The following EPRS1 variants were observed in gnomAD, a reference collection of about 807,000 sequenced individuals.
EPRS1 encodes the protein glutamyl-prolyl-tRNA synthetase 1.
EPRS1 carries 107 observed loss-of-function variants against 188.3 expected under a neutral mutation model. The ratio of observed to expected loss-of-function variants is 0.57; its 90% CI spans 0.49 to 0.67. EPRS1 has a LOEUF of 0.67. Among genes scored for constraint, EPRS1 ranks in the 30% least tolerant of loss-of-function variants. EPRS1 has a pLI of 0.00. For missense variants in EPRS1, 1,577 were observed against 1,802.2 expected, an observed-to-expected ratio of 0.88 and a Z score of 2.26; for synonymous variants, 596 against 593.1, an observed-to-expected ratio of 1.00 and a Z score of -0.07.
At chr1:220,020,887 T>G (rs903832427) in intron 9 of EPRS1, among the ~76,000 whole-genome samples, 2 of 139,652 alleles carry the variant, frequency 1.4e-5, no homozygotes, top group African/African-American at 5.5e-5. Context: ...CATTATGCTT[T>G]CTTTCTTTTT....
In EPRS1 at chr1:220,034,899, A is replaced by G; in HGVS notation, c.231+15T>C. The G allele has an allele frequency of 7.0e-6, 10 of 1,418,958 alleles. No individual in the cohort carries two copies. Among genetic ancestry groups the G allele is most frequent in the Non-Finnish European group, 1.0e-5 (10 of 1,002,290 alleles). 87.9% of individuals were successfully genotyped at this position (1,418,958 alleles called of 1,614,324 possible). On this transcript the variant is annotated intron_variant, in intron 3 of 31. Coordinates refer to ENST00000366923, the MANE Select transcript of EPRS1 (RefSeq NM_004446.3). ...CATAAGACAAAACACACACAACAAA[A>G]TGTTCATTGCTTACCTCAGTATGTT... is the stretch of plus-strand genomic sequence containing the variant.
chr1:220,000,807 C>G (rs912615268), intron 17 of EPRS1, among the ~76,000 whole-genome samples: 1 of 152,116 alleles, frequency 6.6e-6, no homozygotes, highest in Non-Finnish European at 1.5e-5. Context: ...ATGGCAAAAG[C>G]CTGTCTCTAC....
Position 220,005,306 on chromosome 1 carries a change from T to C in EPRS1, c.2005A>G (p.Ile669Val). The C allele has an allele frequency of 6.2e-7, 1 of 1,601,198 alleles. No individual in the cohort carries two copies. The highest frequency in any genetic ancestry group is 8.5e-7 in the Non-Finnish European group (1 of 1,173,502). Reference sequence around the variant, plus strand: ...AATCCTCTTCTCTGGAGTTGTATAATATCTCCTTTTTTCAAATCCTTAAGG... The same window carrying C: ...AATCCTCTTCTCTGGAGTTGTATAACATCTCCTTTTTTCAAATCCTTAAGG... ...PCLKDLKKGD[I>V]IQLQRRGFFI... Residue 669 changes from isoleucine to valine, a missense_variant, in exon 16 of 32, where the codon ATT (isoleucine) becomes GTT (valine). Around this residue, in one of 3 missense-constraint regions of EPRS1, gnomAD observed 1,278 missense variants for 1,457.4 expected, o/e 0.88. Coordinates refer to ENST00000366923, the MANE Select transcript of EPRS1 (RefSeq NM_004446.3).
chr1:220,019,633 A>G (rs904547579), intron 10 of EPRS1, among the ~76,000 whole-genome samples: 1 of 152,158 alleles, frequency 6.6e-6, no homozygotes, highest in Admixed American at 6.5e-5. Context: ...CCTTCTTGGG[A>G]CCTAGCCAAA....
rs780770433 is a variant in EPRS1 at position 219,997,100 on chromosome 1, T to C, written c.2424A>G (p.Ile808Met). 4.3e-6 allele frequency: 7 copies of C among 1,614,132 alleles called. No individual in the cohort carries two copies. In the South Asian group the frequency reaches 5.5e-5, roughly 13 times the overall value. ...AGGAATTAGAAGAAATATTCTGTCC[T>C]ATTTCAGCAGGAGGGTTTCCAGGTT... ...EYKPGNPPAE[I>M]GQNISSNSSA... Residue 808 changes from isoleucine (I) to methionine (M), a missense_variant, in exon 18 of 32, where the codon ATA (isoleucine) becomes ATG (methionine). Around this residue, in one of 3 missense-constraint regions of EPRS1, gnomAD observed 1,278 missense variants for 1,457.4 expected, o/e 0.88. Coordinates refer to ENST00000366923, the MANE Select transcript of EPRS1 (RefSeq NM_004446.3).
chr1:219,993,312 G>A (rs1306619930), intron 18 of EPRS1, among the ~76,000 whole-genome samples: 1 of 152,090 alleles, frequency 6.6e-6, no homozygotes, highest in East Asian at 1.9e-4. Flanking sequence ...TGTATTCTCT[G>A]TTATGCACCT....
Position 220,011,008 on chromosome 1 carries a change from C to T in EPRS1, c.1543G>A (p.Val515Met), listed in dbSNP as rs1406958808. 6.2e-6 allele frequency: 10 copies of T among 1,613,694 alleles called. No individual in the cohort carries two copies. Among genetic ancestry groups the T allele is most frequent in the Non-Finnish European group, 8.5e-6 (10 of 1,179,688 alleles). The change falls in exon 13 of 32, where the codon GTG becomes ATG. Residue 515 changes from valine (V) to methionine (M), a missense_variant. By Grantham distance (21) the Val-to-Met change is conservative (BLOSUM62 1). Transcript: ENST00000366923. Reference protein sequence around the residue: ...PRYVALLKKEVIPVNVPEAQE... With the variant: ...PRYVALLKKEMIPVNVPEAQE... ...GCTTCAGGTACATTCACTGGGATCA[C>T]TTCTTTCTTCAGTAATGCAACATAT...
At chr1:220,036,343 GAGGAATATAGTTCATTCTACCATAA>G in intron 2 of EPRS1, among the ~76,000 whole-genome samples, 2 of 152,288 alleles carry the variant, frequency 1.3e-5, no homozygotes, top group African/African-American at 4.8e-5. Flanking sequence ...TATACACTCA[GAGGAATATAGTTCATTCTACCATAA>G]AGACACATGC....
In EPRS1 at chr1:220,007,317, G is replaced by T. The variant is rs761295747; in HGVS notation, c.1627C>A (p.Pro543Thr). 1.1e-5 allele frequency: 17 copies of T among 1,610,362 alleles called. No homozygotes were observed. Among genetic ancestry groups the T allele is most frequent in the South Asian group, 3.3e-5 (3 of 89,696 alleles). The change falls in exon 14 of 32, where the codon CCT becomes ACT. Residue 543 changes from proline to threonine, a missense_variant. Physicochemically the swap from Pro to Thr is conservative, Grantham distance 38 (BLOSUM62 -1). This residue lies in a region of EPRS1 where 1,278 missense variants were observed against 1,457.4 expected (regional missense o/e 0.88). Transcript: ENST00000366923. ...AAAACTTTGGGACTATACCACACAG[G>T]CTTCAAGCCAACCTCAGGATTCTGA... Reference protein sequence around the residue: ...HPKNPEVGLKPVWYSPKVFIE... With the variant: ...HPKNPEVGLKTVWYSPKVFIE...
At chr1:220,025,071 G>A in intron 7 of EPRS1, 61 bp downstream of exon 7, 1 of 1,494,642 alleles carries the variant, frequency 6.7e-7, no homozygotes, top group Non-Finnish European at 9.3e-7. Flanking sequence ...GAAGGTATTA[G>A]GTAATCCTGT....
chr1:220,001,453 C>T (rs891719254), intron 16 of EPRS1, among the ~76,000 whole-genome samples, 198 bp from the exon 17 acceptor site: 1 of 152,110 alleles, frequency 6.6e-6, no homozygotes, highest in Non-Finnish European at 1.5e-5. Flanking sequence ...GCAGCTTCCA[C>T]CTCCTGCGTT....
At chr1:220,016,429 G>C (rs1202464463) in intron 12 of EPRS1, among the ~76,000 whole-genome samples, 1 of 148,576 alleles carries the variant, frequency 6.7e-6, no homozygotes, top group Non-Finnish European at 1.5e-5. Flanking sequence ...TTTTTCTTTT[G>C]AGACAGAGTC....
intron 6 of EPRS1, among the ~76,000 whole-genome samples, chr1:220,027,714 G>C (rs191300397): frequency 1.3e-5 from 2 of 151,932 alleles, no homozygotes; most frequent in Non-Finnish European, 2.9e-5. Context: ...CGGGTGCAGT[G>C]GCTCATGCCT....
chr1:220,022,631 T>A (rs935648455), intron 8 of EPRS1, 113 bp from the exon 9 acceptor site: 6 of 868,362 alleles, frequency 6.9e-6, no homozygotes, highest in African/African-American at 5.1e-5. Context: ...CCACCCTGTG[T>A]TAGTTTAAAA....
rs372022042 is a variant in EPRS1 at position 219,988,817 on chromosome 1, T to A, written c.2548A>T (p.Ile850Leu). The A allele has an allele frequency of 1.7e-5, 27 of 1,579,502 alleles. 1 individual carries two copies. The South Asian group carries it at 3.1e-4, about 18-fold the overall frequency. ...AGTAAGCATTCTACAGCTTCATTTATTTTAGCCTAAAATAAAAGAGAGAAA... is the reference window on the plus strand; with the variant it reads ...AGTAAGCATTCTACAGCTTCATTTAATTTAGCCTAAAATAAAAGAGAGAAA... ...LKAEKSPKAK[I>L]NEAVECLLSL... Residue 850 changes from isoleucine to leucine, a missense_variant, in exon 19 of 32, where the codon ATA becomes TTA. This residue lies in a region of EPRS1 where 1,278 missense variants were observed against 1,457.4 expected (regional missense o/e 0.88). Transcript: ENST00000366923.
chr1:219,988,622 C>T lies in EPRS1; in HGVS notation c.2743G>A (p.Val915Ile). Residue 915 changes from valine (V) to isoleucine (I), a missense_variant, in exon 19 of 32, where the codon GTT (valine) becomes ATT (isoleucine). By Grantham distance (29) the Val-to-Ile change is conservative. Around this residue, in one of 3 missense-constraint regions of EPRS1, gnomAD observed 1,278 missense variants for 1,457.4 expected, o/e 0.88. Coordinates refer to ENST00000366923, the MANE Select transcript of EPRS1 (RefSeq NM_004446.3). Reference sequence around the variant, plus strand: ...GCTTTTTCAGTTTTAAGTTTCCGAACTACTTCCCCTTGAGAAGCTACTTTG... The same window carrying T: ...GCTTTTTCAGTTTTAAGTTTCCGAATTACTTCCCCTTGAGAAGCTACTTTG... Reference protein sequence around the residue: ...FDKVASQGEVVRKLKTEKAPK... With the variant: ...FDKVASQGEVIRKLKTEKAPK... 1 of 1,613,562 alleles carries T rather than the reference C, an allele frequency of 6.2e-7. No individual in the cohort carries two copies. The highest frequency in any genetic ancestry group is 8.5e-7 in the Non-Finnish European group (1 of 1,179,572).
chr1:219,973,286 GTC>G lies in EPRS1; in HGVS notation c.4194_4195del (p.Glu1398AspfsTer2). 1 of 1,612,702 alleles carries G rather than the reference GTC, an allele frequency of 6.2e-7. No homozygotes were observed. Among genetic ancestry groups the G allele is most frequent in the Non-Finnish European group, 8.5e-7 (1 of 1,179,656 alleles). On this transcript the variant is annotated frameshift_variant, in exon 29 of 32. Transcript: ENST00000366923. LOFTEE classifies it high-confidence loss of function. ...GTCTTCCAAAATAGCTTGAAGTTTA[GTC>G]TCTGCCTCATTTTCAGCAACTGTCA...
chr1:220,041,360 C>T (rs759562805), intron 1 of EPRS1, among the ~76,000 whole-genome samples: 13 of 152,048 alleles, frequency 8.5e-5, no homozygotes, highest in Non-Finnish European at 1.5e-4. Context: ...TACTTTCATC[C>T]CCATTTTACA....
chr1:220,043,076 A>T (rs1230193161), intron 1 of EPRS1, among the ~76,000 whole-genome samples: 1 of 152,188 alleles, frequency 6.6e-6, no homozygotes, highest in East Asian at 1.9e-4. Context: ...TTATAGAAAA[A>T]GCAAAAAAGT....
Sources: gnomAD v4.1 joint callset for allele counts (sites outside exome capture counted in the v4.1 genomes callset) on GRCh38, gnomAD v4.1.1 for gene constraint, gnomAD v4.1.1 regional missense constraint, MANE v1.5 for transcripts, NCBI Gene and HGNC (gene_info 2026-07-23, HGNC 2026-07-21) for gene names.